Variants in SLC24A4 observed in about 807,000 individuals in gnomAD.
The protein encoded by SLC24A4 is solute carrier family 24 member 4.
SLC24A4 carries 53 observed loss-of-function variants against 79.0 expected under a neutral mutation model. The observed-to-expected ratio is 0.67, with a 90% CI of 0.54 to 0.84. The LOEUF (loss-of-function observed/expected upper bound fraction) is 0.84, where lower values mean the gene tolerates loss of function less well. Ranked by LOEUF, SLC24A4 falls within the 40% of genes least tolerant of loss-of-function variation. SLC24A4 has a pLI of 0.00. For synonymous variants in SLC24A4, 323 were observed against 323.8 expected (o/e 1.00, Z 0.03); for missense variants, 731 against 822.0 (o/e 0.89, Z 1.35).
At chr14:92,435,712 G>A (rs1400902003) in intron 3 of SLC24A4, among the ~76,000 whole-genome samples, 1 of 152,188 alleles carries the variant, frequency 6.6e-6, no homozygotes, top group Non-Finnish European at 1.5e-5. Flanking sequence ...TAAAGAATGG[G>A]TGAAGTTTTA....
chr14:92,328,308 C>T (rs963750658), intron 2 of SLC24A4, among the ~76,000 whole-genome samples: 3 of 152,310 alleles, frequency 2.0e-5, no homozygotes, highest in South Asian at 2.1e-4. Context: ...AGATGCAAGC[C>T]GCTGTCATTG....
At chr14:92,482,623 T>A (rs934263942) in intron 12 of SLC24A4, 57 bp from the exon 13 acceptor site, 84 of 1,493,988 alleles carry the variant, frequency 5.6e-5, no homozygotes, top group Non-Finnish European at 6.9e-5. Flanking sequence ...CTGGCAGGTG[T>A]GTTACCCAGT....
rs377399258 is a variant in SLC24A4, at chr14:92,499,463, G to C, written c.*5835G>C. The C allele has an allele frequency of 3.9e-5, 6 of 152,232 alleles. No homozygotes were observed. The East Asian group carries it at 5.8e-4, about 15-fold the overall frequency. 9.4% of individuals were successfully genotyped at this position (152,232 alleles called of 1,614,324 possible). The stretch of plus-strand genomic sequence containing the variant: ...TGGCTGCTTCTTAGTTATAACCCCA[G>C]TGACAAATGCTGGCTTAAGCCACAC... On this transcript the variant is annotated 3_prime_UTR_variant, in exon 17 of 17. Coordinates refer to ENST00000532405, the MANE Select transcript of SLC24A4 (RefSeq NM_153646.4).
intron 3 of SLC24A4, among the ~76,000 whole-genome samples, chr14:92,436,434 C>T (rs1892172920): frequency 6.6e-6 from 1 of 150,720 alleles, no homozygotes; most frequent in Non-Finnish European, 1.5e-5. Context: ...CCCCATACCA[C>T]CAACTGTTTT....
chr14:92,413,026 G>A (rs111293477), intron 2 of SLC24A4, among the ~76,000 whole-genome samples: 24 of 152,278 alleles, frequency 1.6e-4, no homozygotes, highest in African/African-American at 4.1e-4. Context: ...TCTCATCTGC[G>A]GCTGCTTTCA....
At chr14:92,343,923 G>GA (rs1341232744) in intron 2 of SLC24A4, among the ~76,000 whole-genome samples, 9 of 152,076 alleles carry the variant, frequency 5.9e-5, no homozygotes, top group Admixed American at 1.3e-4. Context: ...GGCTGGTCTT[G>GA]AACTCCTGAC....
chr14:92,464,342 G>C, intron 12 of SLC24A4, among the ~76,000 whole-genome samples: 1 of 152,052 alleles, frequency 6.6e-6, no homozygotes, highest in Non-Finnish European at 1.5e-5. Flanking sequence ...CACCTGCCCT[G>C]GAAATCCACT....
chr14:92,351,044 G>A (rs1022261667), intron 2 of SLC24A4, among the ~76,000 whole-genome samples: 2 of 152,144 alleles, frequency 1.3e-5, no homozygotes, highest in African/African-American at 4.8e-5. Flanking sequence ...AGTTGACCTT[G>A]GACTTCTAAG....
At chr14:92,379,994 G>A (rs905547512) in intron 2 of SLC24A4, among the ~76,000 whole-genome samples, 10 of 152,174 alleles carry the variant, frequency 6.6e-5, no homozygotes, top group Admixed American at 6.5e-5. Flanking sequence ...GGGTACTGGG[G>A]TAGTGTCCCC....
chr14:92,439,321 T>G lies in SLC24A4; in HGVS notation c.319-14T>G. 1 of 1,611,154 alleles carries G rather than the reference T, an allele frequency of 6.2e-7. No individual in the cohort carries two copies. Among genetic ancestry groups the G allele is most frequent in the Non-Finnish European group, 8.5e-7 (1 of 1,177,578 alleles). ...ACCCTCACCGACCCTGCCTGTCTCC[T>G]CTCTCCTTTGCAGGCTCTGTATATG... On this transcript the variant is annotated splice_polypyrimidine_tract_variant and intron_variant, in intron 3 of 16. Transcript: ENST00000532405.
Position 92,376,613 on chromosome 14 carries a change from C to T in SLC24A4, c.241+50635C>T, listed in dbSNP as rs143377786. Among the ~76,000 whole-genome samples, 1,374 of 152,324 alleles carry T rather than the reference C, an allele frequency of 9.0e-3. 19 individuals are homozygous for T. The highest frequency in any genetic ancestry group is 0.03 in the African/African-American group (1,260 of 41,566). On this transcript the variant is annotated intron_variant, in intron 2 of 16. Coordinates refer to ENST00000532405, the MANE Select transcript of SLC24A4 (RefSeq NM_153646.4). Reference sequence around the variant, plus strand: ...TACCTGTCCAGCCCCTGCTGAGAGGCGGCAAGTGTGCTCTGAGCCCAGCTG... The same window carrying T: ...TACCTGTCCAGCCCCTGCTGAGAGGTGGCAAGTGTGCTCTGAGCCCAGCTG...
chr14:92,333,314 C>T (rs1341864915), intron 2 of SLC24A4, among the ~76,000 whole-genome samples: 1 of 152,108 alleles, frequency 6.6e-6, no homozygotes, highest in African/African-American at 2.4e-5. Context: ...AGCCTGGTCT[C>T]GAACTCCTGG....
At chr14:92,405,592 G>A (rs774218431) in intron 2 of SLC24A4, among the ~76,000 whole-genome samples, 3 of 152,094 alleles carry the variant, frequency 2.0e-5, no homozygotes, top group Admixed American at 2.0e-4. Context: ...AGCATGACTG[G>A]GAGGCCTAAG....
chr14:92,369,068 C>T (rs538502950), intron 2 of SLC24A4, among the ~76,000 whole-genome samples: 2 of 152,192 alleles, frequency 1.3e-5, no homozygotes, highest in Non-Finnish European at 2.9e-5. Flanking sequence ...CCTGAAACAG[C>T]CTGATCACCC....
intron 15 of SLC24A4, 137 bp from the exon 16 acceptor site, chr14:92,492,038 C>T: frequency 1.2e-6 from 1 of 818,746 alleles, no homozygotes; most frequent in Non-Finnish European, 2.0e-6. Context: ...TCCTGACCCT[C>T]CACGACCATG....
chr14:92,471,427 C>G (rs1219679844), intron 12 of SLC24A4, among the ~76,000 whole-genome samples: 1 of 150,814 alleles, frequency 6.6e-6, no homozygotes, highest in Non-Finnish European at 1.5e-5. Flanking sequence ...TGCAAGGAAG[C>G]CTAGGAAATT....
At position 92,476,428 on chromosome 14, in the gene SLC24A4, T is replaced by C. The variant is rs1418049784; in HGVS notation, c.1256-6252T>C. Reference sequence around the variant, plus strand: ...TTATTTCAAGCTAACCATATTCTCTTGGCTAATTATTATAAGCAGCTGATT... The same window carrying C: ...TTATTTCAAGCTAACCATATTCTCTCGGCTAATTATTATAAGCAGCTGATT... On this transcript the variant is annotated intron_variant, in intron 12 of 16. Transcript: ENST00000532405. Among the ~76,000 whole-genome samples, 5 of 151,684 alleles carry C rather than the reference T, an allele frequency of 3.3e-5. No individual in the cohort carries two copies. The Admixed American group carries it at 3.3e-4, about 10-fold the overall frequency.
chr14:92,409,634 A>C lies in SLC24A4; in HGVS notation c.242-24278A>C, dbSNP rs186105145. 2.7e-3 allele frequency among the ~76,000 whole-genome samples: 414 copies of C among 152,152 alleles called. 2 individuals carry two copies. Among genetic ancestry groups the C allele is most frequent in the Admixed American group, 5.3e-3 (81 of 15,268 alleles). ...GGGAGTATCCCCAGTCTTCCCTAAC[A>C]TGCTCCCCAGGATAGGGCAACCACT... On this transcript the variant is annotated intron_variant, in intron 2 of 16. Coordinates refer to ENST00000532405, the MANE Select transcript of SLC24A4 (RefSeq NM_153646.4).
chr14:92,452,128 G>A (rs367901457), intron 10 of SLC24A4: 1 of 152,256 alleles, frequency 6.6e-6, no homozygotes, highest in Admixed American at 6.5e-5. Context: ...TACCTAGAGA[G>A]TGTGGAAGGA....
Sources: gnomAD v4.1 joint callset for allele counts (sites outside exome capture counted in the v4.1 genomes callset) on GRCh38, gnomAD v4.1.1 for gene constraint, MANE v1.5 for transcripts, NCBI Gene and HGNC (gene_info 2026-07-23, HGNC 2026-07-21) for gene names.